The following PDE4D variants were observed in gnomAD, a reference collection of about 807,000 sequenced individuals.
The protein encoded by PDE4D is 3',5'-cyclic-AMP phosphodiesterase 4D.
Under a neutral mutation model 87.4 loss-of-function variants are expected in PDE4D, and 24 were observed. The ratio of observed to expected loss-of-function variants is 0.27; its 90% CI spans 0.20 to 0.39. PDE4D has a LOEUF of 0.39. PDE4D is among the 10% of genes least tolerant of loss of function. The pLI is 1.00. For missense variants in PDE4D, 714 were observed against 1,041.0 expected, an observed-to-expected ratio of 0.69 and a Z score of 4.32; for synonymous variants, 384 against 383.2, an observed-to-expected ratio of 1.00 and a Z score of -0.02.
intron 1 of PDE4D, among the ~76,000 whole-genome samples, chr5:59,231,436 G>C (rs999562222): frequency 1.3e-5 from 2 of 152,138 alleles, no homozygotes; most frequent in Admixed American, 6.6e-5. Flanking sequence ...TGCCTATCTT[G>C]ATGTTCTTTT....
chr5:60,008,136 T>A (rs1041810466), intron 2 of PDE4D, among the ~76,000 whole-genome samples: 7 of 152,016 alleles, frequency 4.6e-5, no homozygotes, highest in Non-Finnish European at 1.0e-4. Flanking sequence ...ACACAAAGAT[T>A]GGGTCTAATT....
At chr5:60,076,935 T>C (rs11746704) in intron 2 of PDE4D, among the ~76,000 whole-genome samples, 1 of 152,016 alleles carries the variant, frequency 6.6e-6, no homozygotes, top group Non-Finnish European at 1.5e-5. Flanking sequence ...GCGACATGGC[T>C]TGGGGGCGGG....
chr5:60,269,180 G>A (rs1750560693), intron 1 of PDE4D, among the ~76,000 whole-genome samples: 1 of 152,120 alleles, frequency 6.6e-6, no homozygotes, highest in Non-Finnish European at 1.5e-5. Flanking sequence ...GGTGGCACAT[G>A]CCTGTAGTCC....
chr5:60,488,669 C>T (rs1194531393), upstream of PDE4D, among the ~76,000 whole-genome samples: 1 of 152,028 alleles, frequency 6.6e-6, no homozygotes, highest in African/African-American at 2.4e-5. Context: ...TCAGAGCTAC[C>T]TTTGCAGATG....
At chr5:59,339,998 C>T (rs550046295) in intron 1 of PDE4D, among the ~76,000 whole-genome samples, 1 of 151,210 alleles carries the variant, frequency 6.6e-6, no homozygotes, top group Admixed American at 6.6e-5. Context: ...TGTTGCTTTA[C>T]AGGAATGTGT....
At chr5:59,616,121 T>TC (rs1465216509) in intron 1 of PDE4D, among the ~76,000 whole-genome samples, 1 of 151,766 alleles carries the variant, frequency 6.6e-6, no homozygotes, top group Non-Finnish European at 1.5e-5. Flanking sequence ...CCTCCCCCCT[T>TC]CCCCCACCCC....
intron 1 of PDE4D, among the ~76,000 whole-genome samples, chr5:60,233,245 CT>C (rs1746023643): frequency 6.6e-6 from 1 of 151,306 alleles, no homozygotes; most frequent in Admixed American, 6.6e-5. Context: ...ATGATCCATT[CT>C]TGTCATTCAT....
At chr5:59,168,242 C>T (rs1782195570) in intron 5 of PDE4D, among the ~76,000 whole-genome samples, 1 of 152,186 alleles carries the variant, frequency 6.6e-6, no homozygotes, top group Non-Finnish European at 1.5e-5. Context: ...GAAGAGACTT[C>T]ACCCAAAGAG....
intron 1 of PDE4D, among the ~76,000 whole-genome samples, chr5:59,675,786 C>A (rs1747968489): frequency 6.6e-6 from 1 of 152,106 alleles, no homozygotes; most frequent in African/African-American, 2.4e-5. Context: ...ACCTCCCAGG[C>A]TCAAGAGATC....
At chr5:60,017,297 ATTTAAT>A (rs1284748414) in intron 2 of PDE4D, among the ~76,000 whole-genome samples, 1 of 152,126 alleles carries the variant, frequency 6.6e-6, no homozygotes, top group Non-Finnish European at 1.5e-5. Context: ...ATTTAATTTA[ATTTAAT>A]TTTAAGTTGT....
intron 3 of PDE4D, among the ~76,000 whole-genome samples, chr5:59,973,050 C>T (rs892519231): frequency 1.3e-5 from 2 of 151,984 alleles, no homozygotes; most frequent in Admixed American, 1.3e-4. Context: ...ACCATAGTTG[C>T]CAAAACTTCC....
intron 6 of PDE4D, among the ~76,000 whole-genome samples, chr5:59,026,517 G>A (rs1756274827): frequency 6.6e-6 from 1 of 152,078 alleles, no homozygotes; most frequent in African/African-American, 2.4e-5. Flanking sequence ...ATGGCCAAGT[G>A]GTCTAAGGCA....
At chr5:59,343,398 T>C (rs534206108) in intron 1 of PDE4D, among the ~76,000 whole-genome samples, 3 of 152,254 alleles carry the variant, frequency 2.0e-5, no homozygotes, top group East Asian at 1.9e-4. Flanking sequence ...AGATTCCACA[T>C]AGAAGTGAGA....
At chr5:59,182,654 C>G (rs1393204705) in intron 4 of PDE4D, among the ~76,000 whole-genome samples, 2 of 152,084 alleles carry the variant, frequency 1.3e-5, no homozygotes, top group East Asian at 3.8e-4. Flanking sequence ...TGACTCAATT[C>G]TAATTATCTC....
rs553810087 is a variant in PDE4D at position 60,061,721 on chromosome 5, T to C, written c.43-73004A>G. The stretch of plus-strand genomic sequence containing the variant: ...CAGTAACCAAAACATGGTACAGGTA[T>C]CAAAACAGACACATATACCAATGGA... On this transcript the variant is annotated intron_variant, in intron 2 of 16. Transcript: ENST00000502484. 3.8e-3 allele frequency among the ~76,000 whole-genome samples: 571 copies of C among 152,106 alleles called. 2 individuals carry two copies. Among genetic ancestry groups the C allele is most frequent in the Middle Eastern group, 6.8e-3 (2 of 294 alleles).
chr5:59,474,991 C>T (rs1335446626), intron 1 of PDE4D, among the ~76,000 whole-genome samples: 1 of 151,808 alleles, frequency 6.6e-6, no homozygotes, highest in African/African-American at 2.4e-5. Flanking sequence ...AGGAAACCAG[C>T]ATGAACCAAT....
chr5:60,199,929 C>A (rs1007485618), intron 1 of PDE4D, among the ~76,000 whole-genome samples: 1 of 151,628 alleles, frequency 6.6e-6, no homozygotes, highest in East Asian at 1.9e-4. Flanking sequence ...AATTCCTATT[C>A]TTTGCTTATG....
At chr5:59,264,644 G>A (rs1762564190) in intron 1 of PDE4D, among the ~76,000 whole-genome samples, 1 of 151,818 alleles carries the variant, frequency 6.6e-6, no homozygotes, top group African/African-American at 2.4e-5. Flanking sequence ...TTCCCAAGCT[G>A]GTGAACTCCA....
At chr5:59,241,955 G>A (rs1252832236) in intron 1 of PDE4D, among the ~76,000 whole-genome samples, 1 of 152,116 alleles carries the variant, frequency 6.6e-6, no homozygotes, top group Non-Finnish European at 1.5e-5. Flanking sequence ...TTATCACAGG[G>A]AAAAGCTTAG....
Sources: allele counts gnomAD v4.1 joint callset (sites outside exome capture counted in the v4.1 genomes callset), GRCh38; gene constraint gnomAD v4.1.1; transcripts MANE v1.5; gene names NCBI Gene and HGNC (gene_info 2026-07-23, HGNC 2026-07-21).